The following SMYD4 variants were observed in gnomAD, a reference collection of about 807,000 sequenced individuals.
The protein encoded by SMYD4 is protein-lysine N-methyltransferase SMYD4.
Under a neutral mutation model 72.8 loss-of-function variants are expected in SMYD4, and 68 were observed. The ratio of observed to expected loss-of-function variants is 0.93; its 90% confidence interval spans 0.77 to 1.14. The LOEUF is 1.14. Ranked by LOEUF, SMYD4 falls within the 50% of genes most tolerant of loss-of-function variation. The pLI is 0.00. For missense variants in SMYD4, 984 were observed against 1,003.7 expected (o/e 0.98, Z 0.27); for synonymous variants, 407 against 388.6 (o/e 1.05, Z -0.56).
At chr17:1,794,914 G>A (rs1260152324) in intron 5 of SMYD4, among the ~76,000 whole-genome samples, 1 of 152,020 alleles carries the variant, frequency 6.6e-6, no homozygotes, top group Non-Finnish European at 1.5e-5. Context: ...TGTGGTTATC[G>A]AAGCCGTCTT....
At chr17:1,809,503 T>C (rs964426365) in intron 3 of SMYD4, among the ~76,000 whole-genome samples, 3 of 149,794 alleles carry the variant, frequency 2.0e-5, no homozygotes, top group Non-Finnish European at 4.4e-5. Context: ...GCCTCCTGAG[T>C]AGCTGAGATT....
rs1911434703 is a variant in SMYD4, at chr17:1,829,795, T to TG, written c.-83dup. 1 of 240,644 alleles carries TG rather than the reference T, an allele frequency of 4.2e-6. No homozygotes were observed. The highest frequency in any genetic ancestry group is 7.9e-6 in the Non-Finnish European group (1 of 126,752). The allele number at this position is 240,644 out of a possible 1,614,324, so 14.9% of individuals were successfully genotyped here. A position where few individuals can be genotyped will look rare whatever the true frequency, so the allele number is the denominator to read the frequency against. On this transcript the variant is annotated 5_prime_UTR_variant, in exon 1 of 11. The change creates a premature stop within an existing upstream ORF in the 5' untranslated region. Coordinates refer to ENST00000305513, the MANE Select transcript of SMYD4 (RefSeq NM_052928.3). ...CTCAGACGCGCCCGGAACTGCGCCC[T>TG]GGTCTCCCTCCCAGCGCCCGCGCAG...
chr17:1,798,903 A>AT (rs968318200), intron 5 of SMYD4, among the ~76,000 whole-genome samples: 4 of 151,504 alleles, frequency 2.6e-5, no homozygotes, highest in Middle Eastern at 3.2e-3. Flanking sequence ...TCTCAAAAAA[A>AT]AAATAAATAA....
Position 1,800,402 on chromosome 17 carries a change from T to C in SMYD4, c.992A>G (p.His331Arg), listed in dbSNP as rs772952877. 10 of 1,614,084 alleles carry C rather than the reference T, an allele frequency of 6.2e-6. No homozygotes were observed. Among genetic ancestry groups the C allele is most frequent in the Non-Finnish European group, 8.5e-6 (10 of 1,180,036 alleles). Reference sequence around the variant, plus strand: ...CCCTCCCAGAGGACATTCTGTCCTGTGGTAGAGCTCCCAGGCCTGCTGCAA... The same window carrying C: ...CCCTCCCAGAGGACATTCTGTCCTGCGGTAGAGCTCCCAGGCCTGCTGCAA... ...ECLQQAWELY[H>R]RTECPLGGLL... Residue 331 changes from histidine (H) to arginine (R), a missense_variant, in exon 5 of 11, where the codon CAC becomes CGC. Physicochemically the swap from His to Arg is conservative, Grantham distance 29 (BLOSUM62 0). Coordinates refer to ENST00000305513, the MANE Select transcript of SMYD4 (RefSeq NM_052928.3).
At chr17:1,794,000 T>A (rs1317228199) in intron 5 of SMYD4, among the ~76,000 whole-genome samples, 1 of 72,224 alleles carries the variant, frequency 1.4e-5, no homozygotes, top group African/African-American at 5.0e-5. Flanking sequence ...TTTGTGTATA[T>A]ATATATGTAT....
At chr17:1,826,264 G>A (rs1019535035) in intron 2 of SMYD4, among the ~76,000 whole-genome samples, 3 of 152,082 alleles carry the variant, frequency 2.0e-5, no homozygotes, top group Admixed American at 6.6e-5. Flanking sequence ...AGGCCAAGGC[G>A]GGCGGATCAC....
chr17:1,795,743 G>A (rs958760543), intron 5 of SMYD4, among the ~76,000 whole-genome samples: 7 of 67,092 alleles, frequency 1.0e-4, no homozygotes, highest in African/African-American at 4.4e-4. Flanking sequence ...TGCCTGGCCC[G>A]TGAGTTTTTT....
At chr17:1,822,687 ACTC>A (rs1171388913) in intron 2 of SMYD4, among the ~76,000 whole-genome samples, 8 of 151,200 alleles carry the variant, frequency 5.3e-5, no homozygotes, top group African/African-American at 1.9e-4. Flanking sequence ...CTGGTCTTGA[ACTC>A]CTGACCTCAG....
At chr17:1,801,494 C>T (rs1021169571) in intron 4 of SMYD4, among the ~76,000 whole-genome samples, 2 of 151,512 alleles carry the variant, frequency 1.3e-5, no homozygotes, top group Non-Finnish European at 2.9e-5. Context: ...CCCGCCTCAG[C>T]CTCCCAAAGT....
At chr17:1,782,899 G>A in intron 10 of SMYD4, 136 bp downstream of exon 10, 7 of 1,362,724 alleles carry the variant, frequency 5.1e-6, no homozygotes, top group Non-Finnish European at 6.9e-6. Flanking sequence ...TAGCAAAACA[G>A]AAGGCAAAGA....
chr17:1,784,262 A>T (rs1908528369), intron 8 of SMYD4, 64 bp downstream of exon 8: 9 of 1,606,542 alleles, frequency 5.6e-6, no homozygotes, highest in Non-Finnish European at 7.7e-6. Context: ...CCCTGAGTCC[A>T]AAACGGTATC....
chr17:1,787,017 G>C, intron 6 of SMYD4, 44 bp from the exon 7 acceptor site: 1 of 1,257,762 alleles, frequency 8.0e-7, no homozygotes, highest in Non-Finnish European at 1.1e-6. Context: ...GCAAGAGAGA[G>C]TCAAACACTA....
intron 2 of SMYD4, among the ~76,000 whole-genome samples, chr17:1,822,241 TA>T (rs889923179): frequency 4.7e-5 from 7 of 149,886 alleles, no homozygotes; most frequent in South Asian, 2.1e-4. Context: ...CTCAACCTGT[TA>T]AAAAAAAAAT....
intron 5 of SMYD4, among the ~76,000 whole-genome samples, chr17:1,792,634 C>G (rs1401614000): frequency 6.6e-6 from 1 of 151,650 alleles, no homozygotes; most frequent in African/African-American, 2.4e-5. Flanking sequence ...GACAGAGGCC[C>G]TGTCTCAAAA....
chr17:1,810,232 C>A (rs976081337), intron 3 of SMYD4, among the ~76,000 whole-genome samples: 1 of 151,838 alleles, frequency 6.6e-6, no homozygotes, highest in Non-Finnish European at 1.5e-5. Flanking sequence ...TACAGGGTAT[C>A]GGAAGGAATA....
chr17:1,800,085 G>T lies in SMYD4; in HGVS notation c.1309C>A (p.Pro437Thr). ...NLLPHTENHS[P>T]EHKFLCALCV... ...AGAGCACAGAGGAATTTGTGCTCTG[G>T]GCTATGGTTTTCAGTGTGGGGCAAA... is the stretch of plus-strand genomic sequence containing the variant. The change falls in exon 5 of 11, where the codon CCA becomes ACA. Residue 437 changes from proline to threonine, a missense_variant. Coordinates refer to ENST00000305513, the MANE Select transcript of SMYD4 (RefSeq NM_052928.3). 1 of 1,611,752 alleles carries T rather than the reference G, an allele frequency of 6.2e-7. No individual in the cohort carries two copies. Among genetic ancestry groups the T allele is most frequent in the Non-Finnish European group, 8.5e-7 (1 of 1,178,380 alleles).
At chr17:1,783,955 A>C (rs1464131779) in intron 8 of SMYD4, 1 of 287,752 alleles carries the variant, frequency 3.5e-6, no homozygotes, top group Non-Finnish European at 6.6e-6. Context: ...AGCTCTGAGG[A>C]GGGAAGAACC....
At chr17:1,817,258 A>C (rs963378269) in intron 2 of SMYD4, among the ~76,000 whole-genome samples, 6 of 151,746 alleles carry the variant, frequency 4.0e-5, no homozygotes, top group Admixed American at 2.0e-4. Flanking sequence ...GGCTGGTCTC[A>C]AACTCCAGGC....
intron 4 of SMYD4, among the ~76,000 whole-genome samples, chr17:1,803,568 T>C (rs986419333): frequency 6.6e-6 from 1 of 152,156 alleles, no homozygotes; most frequent in Admixed American, 6.6e-5. Flanking sequence ...CTCAGCTCAC[T>C]GACTCACTGC....
Sources: gnomAD v4.1 joint callset for allele counts (sites outside exome capture counted in the v4.1 genomes callset) on GRCh38, gnomAD v4.1.1 for gene constraint, MANE v1.5 for transcripts, NCBI Gene and HGNC (gene_info 2026-07-23, HGNC 2026-07-21) for gene names.